CPLX2: variants seen among roughly 807,000 people sequenced by gnomAD.
CPLX2 encodes complexin-2.
A neutral mutation model predicts 16.3 loss-of-function variants in CPLX2; 5 were observed. The ratio of observed to expected loss-of-function variants is 0.31; its 90% CI spans 0.16 to 0.64. The LOEUF is 0.64. CPLX2 is among the 30% of genes least tolerant of loss of function. The probability of loss-of-function intolerance (pLI) is 0.79; values close to 1 mark genes in which losing one functional copy is unlikely to be tolerated. For synonymous variants in CPLX2, 89 were observed against 73.2 expected, an observed-to-expected ratio of 1.22 and a Z score of -1.10; for missense variants, 144 against 181.4, an observed-to-expected ratio of 0.79 and a Z score of 1.18.
intron 2 of CPLX2, among the ~76,000 whole-genome samples, chr5:175,857,294 C>G (rs1239430151): frequency 1.3e-5 from 2 of 152,240 alleles, no homozygotes; most frequent in Non-Finnish European, 2.9e-5. Context: ...GATGTCACCT[C>G]TAGGAGCCAT....
intron 2 of CPLX2, among the ~76,000 whole-genome samples, chr5:175,813,969 T>C (rs13186875): frequency 0.17 from 25,242 of 152,224 alleles, 2,378 homozygotes; most frequent in Middle Eastern, 0.3. Context: ...GGATACTGCA[T>C]TCCTGTTTAT....
intron 1 of CPLX2, among the ~76,000 whole-genome samples, chr5:175,875,905 G>A (rs1759745685): frequency 6.6e-6 from 1 of 152,016 alleles, no homozygotes; most frequent in South Asian, 2.1e-4. Flanking sequence ...AAGACTCAGT[G>A]GTGAGTAGAG....
chr5:175,847,867 C>A (rs560992887), intron 2 of CPLX2, among the ~76,000 whole-genome samples: 4 of 152,308 alleles, frequency 2.6e-5, no homozygotes, highest in South Asian at 2.1e-4. Context: ...GTCTGTCAGT[C>A]CCCCCGTGAG....
chr5:175,867,728 G>A (rs750674309), upstream of CPLX2, among the ~76,000 whole-genome samples: 6 of 150,464 alleles, frequency 4.0e-5, no homozygotes, highest in East Asian at 7.8e-4. Context: ...CCTGCCACAC[G>A]CTGATGATGA....
At chr5:175,879,753 C>A in intron 3 of CPLX2, 95 bp from the exon 4 acceptor site, 1 of 1,225,980 alleles carries the variant, frequency 8.2e-7, no homozygotes, top group African/African-American at 1.5e-5. Flanking sequence ...GGGAGGCACT[C>A]CTGGCCACCT....
At chr5:175,798,169 C>T (rs750898243) in intron 1 of CPLX2, among the ~76,000 whole-genome samples, 2 of 152,148 alleles carry the variant, frequency 1.3e-5, no homozygotes, top group African/African-American at 2.4e-5. Flanking sequence ...TAGCATATGA[C>T]CTTGGGCAAG....
At chr5:175,861,398 A>T (rs1370002347) in intron 2 of CPLX2, among the ~76,000 whole-genome samples, 1 of 152,160 alleles carries the variant, frequency 6.6e-6, no homozygotes, top group Non-Finnish European at 1.5e-5. Flanking sequence ...GTTGAGGTAA[A>T]CAGGTTGACA....
intron 2 of CPLX2, among the ~76,000 whole-genome samples, chr5:175,814,899 T>C (rs971809632): frequency 4.6e-5 from 7 of 151,828 alleles, no homozygotes; most frequent in Non-Finnish European, 8.8e-5. Context: ...TTGGCGTGGG[T>C]CCCGTGTCCT....
At chr5:175,820,637 C>A (rs1287374181) in intron 2 of CPLX2, among the ~76,000 whole-genome samples, 1 of 152,144 alleles carries the variant, frequency 6.6e-6, no homozygotes, top group Non-Finnish European at 1.5e-5. Context: ...TTCATCAACG[C>A]CACCTCCAAG....
chr5:175,839,481 C>T (rs1239285120), intron 2 of CPLX2, among the ~76,000 whole-genome samples: 1 of 152,118 alleles, frequency 6.6e-6, no homozygotes, highest in Non-Finnish European at 1.5e-5. Context: ...GATGGGGTTT[C>T]ACCATGTTGG....
intron 2 of CPLX2, among the ~76,000 whole-genome samples, chr5:175,853,026 C>A (rs1345411534): frequency 6.6e-6 from 1 of 152,204 alleles, no homozygotes; most frequent in East Asian, 1.9e-4. Context: ...AGACTGAGGG[C>A]CCAGGCCCAA....
At chr5:175,862,430 C>T (rs1759389877) in intron 2 of CPLX2, among the ~76,000 whole-genome samples, 1 of 152,140 alleles carries the variant, frequency 6.6e-6, no homozygotes, top group Admixed American at 6.5e-5. Context: ...CAAAGGTTTG[C>T]CAAGTGCACA....
At chr5:175,831,258 C>T (rs1466336355) in intron 2 of CPLX2, among the ~76,000 whole-genome samples, 1 of 152,180 alleles carries the variant, frequency 6.6e-6, no homozygotes, top group Non-Finnish European at 1.5e-5. Context: ...AGCATTCGCT[C>T]TCTCCAGCTC....
intron 2 of CPLX2, among the ~76,000 whole-genome samples, chr5:175,814,315 G>A (rs894717998): frequency 2.0e-5 from 3 of 152,238 alleles, no homozygotes; most frequent in South Asian, 2.1e-4. Flanking sequence ...TGCCTGAGCC[G>A]GGAGTGCAGA....
chr5:175,820,393 G>A (rs1439893385), intron 2 of CPLX2, among the ~76,000 whole-genome samples: 4 of 152,174 alleles, frequency 2.6e-5, no homozygotes, highest in African/African-American at 9.7e-5. Context: ...AGCAGGGTCA[G>A]CCTCTTCACG....
At chr5:175,811,962 C>T (rs760795459) in intron 2 of CPLX2, among the ~76,000 whole-genome samples, 1 of 152,198 alleles carries the variant, frequency 6.6e-6, no homozygotes, top group Non-Finnish European at 1.5e-5. Flanking sequence ...GGAGGATGGC[C>T]TCCAGGTTGG....
At chr5:175,837,353 C>G (rs1274060551) in intron 2 of CPLX2, among the ~76,000 whole-genome samples, 1 of 152,222 alleles carries the variant, frequency 6.6e-6, no homozygotes, top group Non-Finnish European at 1.5e-5. Flanking sequence ...CACCTGGAGC[C>G]AAGGCCATCT....
chr5:175,879,232 C>G, intron 3 of CPLX2, 149 bp downstream of exon 3: 1 of 807,112 alleles, frequency 1.2e-6, no homozygotes, highest in Non-Finnish European at 1.9e-6. Flanking sequence ...AAACGGGTAT[C>G]ACAAGGTCAC....
intron 1 of CPLX2, among the ~76,000 whole-genome samples, chr5:175,803,765 C>T (rs1279232843): frequency 6.6e-6 from 1 of 152,226 alleles, no homozygotes; most frequent in South Asian, 2.1e-4. Context: ...TGGGGTGAAG[C>T]CCATGTCAGA....
Sources: gnomAD v4.1 joint callset for allele counts (sites outside exome capture counted in the v4.1 genomes callset) on GRCh38, gnomAD v4.1.1 for gene constraint, MANE v1.5 for transcripts, NCBI Gene and HGNC (gene_info 2026-07-23, HGNC 2026-07-21) for gene names.